The following PRKG1 variants were observed in gnomAD, a reference collection of about 807,000 sequenced individuals.
The protein encoded by PRKG1 is protein kinase cGMP-dependent 1, also known as cGMP-dependent protein kinase 1.
Under a neutral mutation model 88.1 loss-of-function variants are expected in PRKG1, and 35 were observed. The ratio of observed to expected loss-of-function variants is 0.40; its 90% confidence interval spans 0.30 to 0.53. The LOEUF (loss-of-function observed/expected upper bound fraction) is 0.53. Among genes scored for constraint, PRKG1 ranks in the 20% least tolerant of loss-of-function variants. The pLI, the probability that PRKG1 is intolerant of heterozygous loss-of-function variation, is 0.59. For missense variants in PRKG1, 540 were observed against 839.8 expected, an observed-to-expected ratio of 0.64 and a Z score of 4.41; for synonymous variants, 303 against 292.5, an observed-to-expected ratio of 1.04 and a Z score of -0.37.
At chr10:51,164,149 A>T (rs1846457297) in intron 2 of PRKG1, among the ~76,000 whole-genome samples, 2 of 152,148 alleles carry the variant, frequency 1.3e-5, no homozygotes, top group Admixed American at 6.5e-5. Flanking sequence ...GGCACCCCCC[A>T]GTAGGGGCAG....
At chr10:51,867,418 G>T (rs1413325595) in intron 4 of PRKG1, among the ~76,000 whole-genome samples, 1 of 152,186 alleles carries the variant, frequency 6.6e-6, no homozygotes, top group Non-Finnish European at 1.5e-5. Context: ...GTAGAGAAGA[G>T]ATGGAAGGAG....
At chr10:51,101,100 C>T (rs1844669975) in intron 1 of PRKG1, among the ~76,000 whole-genome samples, 1 of 152,124 alleles carries the variant, frequency 6.6e-6, no homozygotes, top group African/African-American at 2.4e-5. Flanking sequence ...TTCTACCCCA[C>T]ACGAGAATTC....
chr10:51,964,448 G>T (rs60607359), intron 5 of PRKG1, among the ~76,000 whole-genome samples: 1,631 of 152,288 alleles, frequency 0.011, 34 homozygotes, highest in African/African-American at 0.037. Flanking sequence ...CAGTTTGAAA[G>T]TTCAGCGTTG....
At chr10:51,005,802 G>T (rs1343843740) in intron 1 of PRKG1, among the ~76,000 whole-genome samples, 1 of 152,202 alleles carries the variant, frequency 6.6e-6, no homozygotes, top group Admixed American at 6.5e-5. Context: ...GTCTGAGTGG[G>T]CAGGGATCAT....
At chr10:51,676,111 CAA>C (rs879812918) in intron 3 of PRKG1, among the ~76,000 whole-genome samples, 1 of 134,070 alleles carries the variant, frequency 7.5e-6, no homozygotes, top group Non-Finnish European at 1.6e-5. Context: ...TCTATTAAAA[CAA>C]AAAAAAAAAG....
chr10:52,125,378 G>C (rs556093475), intron 7 of PRKG1, among the ~76,000 whole-genome samples: 2 of 152,112 alleles, frequency 1.3e-5, no homozygotes, highest in East Asian at 3.9e-4. Flanking sequence ...CTCCACCGTT[G>C]GGTCTTAATT....
intron 2 of PRKG1, among the ~76,000 whole-genome samples, chr10:51,331,500 T>C (rs1841740271): frequency 6.6e-6 from 1 of 152,202 alleles, no homozygotes; most frequent in African/African-American, 2.4e-5. Context: ...GGCAAAGTCC[T>C]GTGCTCACTT....
intron 8 of PRKG1, among the ~76,000 whole-genome samples, chr10:52,147,134 A>G (rs996612086): frequency 2.0e-5 from 3 of 152,208 alleles, no homozygotes; most frequent in African/African-American, 7.2e-5. Context: ...GGGAGTAGAA[A>G]TGAGCTCAAA....
intron 4 of PRKG1, among the ~76,000 whole-genome samples, chr10:51,828,423 G>A (rs1480455829): frequency 6.6e-6 from 1 of 152,102 alleles, no homozygotes; most frequent in Non-Finnish European, 1.5e-5. Context: ...ACTGAGCAAA[G>A]ACTGTTCACA....
At chr10:51,909,847 G>A (rs1279278762) in intron 5 of PRKG1, 1 of 152,314 alleles carries the variant, frequency 6.6e-6, no homozygotes, top group African/African-American at 2.4e-5. Context: ...GGGTCAACAG[G>A]TAGGAAAGGG....
intron 2 of PRKG1, among the ~76,000 whole-genome samples, chr10:51,239,020 G>C (rs1211681768): frequency 6.6e-6 from 1 of 151,728 alleles, no homozygotes; most frequent in Admixed American, 6.6e-5. Context: ...TCTAATTAAA[G>C]AATTTGAGGT....
intron 2 of PRKG1, among the ~76,000 whole-genome samples, chr10:51,364,848 C>A (rs1842557014): frequency 1.3e-5 from 2 of 151,788 alleles, no homozygotes; most frequent in Non-Finnish European, 2.9e-5. Context: ...TCAGTATTAT[C>A]CAAGTTGATA....
At chr10:52,201,047 C>A (rs1212288998) in intron 9 of PRKG1, among the ~76,000 whole-genome samples, 1 of 152,128 alleles carries the variant, frequency 6.6e-6, no homozygotes, top group Non-Finnish European at 1.5e-5. Context: ...TGCAGAAACT[C>A]TTTAGTTGAA....
chr10:51,743,634 TTA>T (rs56396755), intron 3 of PRKG1, among the ~76,000 whole-genome samples: 8 of 127,254 alleles, frequency 6.3e-5, no homozygotes, highest in Middle Eastern at 4.0e-3. Context: ...TTAATTTATT[TTA>T]TATATATATA....
intron 5 of PRKG1, among the ~76,000 whole-genome samples, chr10:51,982,934 A>G (rs764253986): frequency 1.3e-5 from 2 of 152,138 alleles, no homozygotes; most frequent in Non-Finnish European, 2.9e-5. Flanking sequence ...GGGGGAGGGC[A>G]GGGAGTCCCT....
chr10:52,119,889 G>T (rs181015088), intron 7 of PRKG1, among the ~76,000 whole-genome samples: 15 of 152,232 alleles, frequency 9.9e-5, no homozygotes, highest in African/African-American at 3.6e-4. Context: ...AGGGAAGAGA[G>T]CACAGGCATG....
intron 2 of PRKG1, among the ~76,000 whole-genome samples, chr10:51,464,047 G>A (rs920612208): frequency 7.9e-5 from 12 of 152,040 alleles, no homozygotes; most frequent in African/African-American, 2.4e-4. Context: ...CAAGGTGGGC[G>A]GATCACGAGA....
chr10:51,385,900 G>A (rs1041029208), intron 2 of PRKG1, among the ~76,000 whole-genome samples: 1 of 152,118 alleles, frequency 6.6e-6, no homozygotes, highest in African/African-American at 2.4e-5. Context: ...ACTAATAGGT[G>A]TCTATCAAGA....
intron 5 of PRKG1, among the ~76,000 whole-genome samples, chr10:51,955,048 TTGTG>T (rs68150426): frequency 0.19 from 29,425 of 151,568 alleles, 3,729 homozygotes; most frequent in Non-Finnish European, 0.28. Context: ...TTTTCAGGTT[TTGTG>T]TGTGTGTGTG....
Sources: gnomAD v4.1 joint callset for allele counts (sites outside exome capture counted in the v4.1 genomes callset) on GRCh38, gnomAD v4.1.1 for gene constraint, MANE v1.5 for transcripts, NCBI Gene and HGNC (gene_info 2026-07-23, HGNC 2026-07-21) for gene names.